Variants in INSC observed in about 807,000 individuals in gnomAD.
INSC encodes INSC spindle orientation adaptor protein, also known as protein inscuteable homolog.
INSC carries 67 observed loss-of-function variants against 58.6 expected under a neutral mutation model. The ratio of observed to expected loss-of-function variants is 1.14; its 90% CI spans 0.94 to 1.40. The LOEUF (loss-of-function observed/expected upper bound fraction) is 1.40, where lower values mean the gene tolerates loss of function less well. INSC is among the 40% of genes most tolerant of loss of function. The pLI is 0.00. For missense variants in INSC, 714 were observed against 692.0 expected, an observed-to-expected ratio of 1.03 and a Z score of -0.36; for synonymous variants, 262 against 276.1, an observed-to-expected ratio of 0.95 and a Z score of 0.51.
At chr11:15,231,415 CA>C (rs1016630050) in intron 9 of INSC, among the ~76,000 whole-genome samples, 1 of 152,132 alleles carries the variant, frequency 6.6e-6, no homozygotes, top group East Asian at 1.9e-4. Flanking sequence ...AAATCACGCA[CA>C]AAAAAATCTC....
intron 1 of INSC, among the ~76,000 whole-genome samples, chr11:15,128,961 T>C (rs1848062417): frequency 1.3e-5 from 2 of 152,334 alleles, no homozygotes; most frequent in South Asian, 4.1e-4. Flanking sequence ...CTAGGCTGGC[T>C]CTTTCTGGCT....
intron 5 of INSC, among the ~76,000 whole-genome samples, chr11:15,181,509 A>G (rs1281723135): frequency 6.6e-6 from 1 of 152,092 alleles, no homozygotes; most frequent in Non-Finnish European, 1.5e-5. Flanking sequence ...GGAACCTCCC[A>G]TTGTTGTACA....
At chr11:15,128,303 A>G (rs1848046883) in intron 1 of INSC, among the ~76,000 whole-genome samples, 1 of 152,036 alleles carries the variant, frequency 6.6e-6, no homozygotes, top group Non-Finnish European at 1.5e-5. Context: ...AGATTTATTT[A>G]TTTATTTTTT....
chr11:15,158,292 G>A lies in INSC; in HGVS notation c.56+9062G>A, dbSNP rs191655856. Among the ~76,000 whole-genome samples the A allele has an allele frequency of 2.9e-3, 430 of 150,818 alleles. 10 individuals are homozygous for A. The highest frequency in any genetic ancestry group is 0.022 in the Admixed American group (337 of 15,042). The stretch of plus-strand genomic sequence containing the variant: ...ATCTACATCCCTGATCATGGCATTC[G>A]AGATCTTTGATCAACTAGTCCCTGT... On this transcript the variant is annotated intron_variant, in intron 2 of 12. Transcript: ENST00000379556.
In INSC at chr11:15,163,352, A is replaced by G. The variant is rs1241410429; in HGVS notation, c.57-12389A>G. Among the ~76,000 whole-genome samples, 3 of 152,052 alleles carry G rather than the reference A, an allele frequency of 2.0e-5. No individual in the cohort carries two copies. In the East Asian group the frequency reaches 5.8e-4, roughly 29 times the overall value. ...TCTCATTCTTTTCCCTTGTGCAATAATCTTACTATCTTACTACAGTATGTC... is the reference window on the plus strand; with the variant it reads ...TCTCATTCTTTTCCCTTGTGCAATAGTCTTACTATCTTACTACAGTATGTC... On this transcript the variant is annotated intron_variant, in intron 2 of 12. Coordinates refer to ENST00000379556, the MANE Select transcript of INSC (RefSeq NM_001042536.3).
Position 15,200,968 on chromosome 11 carries a change from G to A in INSC, c.819+19G>A, listed in dbSNP as rs1278461201. ...GGAGAAGGTAAGGACAGCTGGCTGG[G>A]TGGTGCCTGAGGTCCTCAAGCCAGG... is the stretch of plus-strand genomic sequence containing the variant. On this transcript the variant is annotated intron_variant, in intron 7 of 12. Transcript: ENST00000379556. 3 of 1,582,280 alleles carry A rather than the reference G, an allele frequency of 1.9e-6. No homozygotes were observed. Among genetic ancestry groups the A allele is most frequent in the Admixed American group, 1.8e-5 (1 of 54,626 alleles).
chr11:15,199,002 G>C (rs1241021039), intron 6 of INSC, among the ~76,000 whole-genome samples: 1 of 151,956 alleles, frequency 6.6e-6, no homozygotes, highest in Non-Finnish European at 1.5e-5. Flanking sequence ...CCCACCCTCC[G>C]AGCATGTTAG....
intron 2 of INSC, among the ~76,000 whole-genome samples, chr11:15,170,224 C>A (rs1183000409): frequency 2.6e-5 from 4 of 152,024 alleles, no homozygotes; most frequent in Non-Finnish European, 5.9e-5. Context: ...TCCATATATG[C>A]AAAATCTGTG....
At chr11:15,255,460 G>A in the INSC span, among the ~76,000 whole-genome samples, 1 of 152,122 alleles carries the variant, frequency 6.6e-6, no homozygotes, top group Non-Finnish European at 1.5e-5. Context: ...CCTTATTCTA[G>A]TTTCAGAGTA....
At chr11:15,210,064 G>A (rs1039836046) in intron 7 of INSC, among the ~76,000 whole-genome samples, 1 of 152,218 alleles carries the variant, frequency 6.6e-6, no homozygotes, top group South Asian at 2.1e-4. Flanking sequence ...GAGGTTGGTG[G>A]GCCAAGATGA....
chr11:15,230,474 AT>A (rs1422077441), intron 9 of INSC, among the ~76,000 whole-genome samples: 1 of 152,184 alleles, frequency 6.6e-6, no homozygotes, highest in African/African-American at 2.4e-5. Context: ...ATGGTGCTAA[AT>A]CATTCATGAA....
intron 8 of INSC, among the ~76,000 whole-genome samples, chr11:15,221,961 T>C (rs1177008312): frequency 6.6e-6 from 1 of 152,114 alleles, no homozygotes; most frequent in Non-Finnish European, 1.5e-5. Flanking sequence ...GCCTCAAATT[T>C]TGACGTTCAG....
At chr11:15,260,753 C>T in the INSC span, among the ~76,000 whole-genome samples, 1 of 152,136 alleles carries the variant, frequency 6.6e-6, no homozygotes, top group Admixed American at 6.5e-5. Context: ...TTGAGACATG[C>T]ACATCTAGTC....
chr11:15,148,388 C>T (rs35295355), intron 1 of INSC, among the ~76,000 whole-genome samples: 15,555 of 152,244 alleles, frequency 0.1, 934 homozygotes, highest in African/African-American at 0.15. Context: ...TAGTGCTGCT[C>T]GTGATTGCAA....
intron 12 of INSC, among the ~76,000 whole-genome samples, chr11:15,241,119 T>C (rs1852333663): frequency 1.3e-5 from 2 of 152,180 alleles, no homozygotes; most frequent in South Asian, 4.1e-4. Context: ...CACCATGAAA[T>C]AATCAATAGT....
chr11:15,148,986 T>A, intron 1 of INSC, 144 bp from the exon 2 acceptor site: 1 of 977,920 alleles, frequency 1.0e-6, no homozygotes, highest in Non-Finnish European at 1.4e-6. Flanking sequence ...GATACTGGAG[T>A]GTAAACTGGT....
chr11:15,217,706 C>T (rs951975727), intron 7 of INSC, among the ~76,000 whole-genome samples: 5 of 152,104 alleles, frequency 3.3e-5, no homozygotes, highest in Non-Finnish European at 7.4e-5. Context: ...AGATGCTAAA[C>T]AGGCAATTTA....
chr11:15,201,285 T>G (rs1850580984), intron 7 of INSC, among the ~76,000 whole-genome samples: 1 of 151,970 alleles, frequency 6.6e-6, no homozygotes, highest in Non-Finnish European at 1.5e-5. Context: ...GGTGGTTGAT[T>G]CTTCACCCAC....
chr11:15,215,518 G>A (rs542479634), intron 7 of INSC, among the ~76,000 whole-genome samples: 2 of 152,346 alleles, frequency 1.3e-5, no homozygotes, highest in African/African-American at 2.4e-5. Flanking sequence ...GGGACAACAA[G>A]TGAGGAGGCC....
Sources: allele counts gnomAD v4.1 joint callset (sites outside exome capture counted in the v4.1 genomes callset), GRCh38; gene constraint gnomAD v4.1.1; transcripts MANE v1.5; gene names NCBI Gene and HGNC (gene_info 2026-07-23, HGNC 2026-07-21).